The following RNF43 variants were observed in gnomAD, a reference collection of about 807,000 sequenced individuals.
RNF43 encodes the protein ring finger protein 43.
Under a neutral mutation model 78.4 loss-of-function variants are expected in RNF43, and 37 were observed. That is an observed-to-expected ratio of 0.47 (90% confidence interval 0.36 to 0.62). RNF43 has a LOEUF of 0.62. Among genes scored for constraint, RNF43 ranks in the 20% least tolerant of loss-of-function variants. The pLI, the probability that RNF43 is intolerant of heterozygous loss-of-function variation, is 0.00. For missense variants in RNF43, 774 were observed against 1,007.9 expected, an observed-to-expected ratio of 0.77 and a Z score of 3.14; for synonymous variants, 347 against 395.0, an observed-to-expected ratio of 0.88 and a Z score of 1.44.
intron 2 of RNF43, among the ~76,000 whole-genome samples, chr17:58,404,106 C>A (rs1170517854): frequency 6.6e-6 from 1 of 152,162 alleles, no homozygotes; most frequent in Admixed American, 6.5e-5. Flanking sequence ...AAAGACAGTA[C>A]AGGACCAGAA....
At chr17:58,363,060 T>C in intron 5 of RNF43, 1 of 601,038 alleles carries the variant, frequency 1.7e-6, no homozygotes, top group Non-Finnish European at 2.9e-6. Flanking sequence ...TGTAAAGAAC[T>C]TTAGAACTCA....
At chr17:58,384,387 T>C (rs989465993) in intron 2 of RNF43, among the ~76,000 whole-genome samples, 1 of 152,232 alleles carries the variant, frequency 6.6e-6, no homozygotes, top group African/African-American at 2.4e-5. Context: ...TGAGGATCAA[T>C]AGCAGCACTT....
Position 58,360,173 on chromosome 17 carries a change from G to A in RNF43, c.928C>T (p.Pro310Ser), listed in dbSNP as rs1972801645. The stretch of plus-strand genomic sequence containing the variant: ...CCTGTGATGTTGAACATGCAGAGGG[G>A]GCAAGTCCGATGCTGATGTAACCAG... The part of the protein sequence containing the change: ...DPWLHQHRTC[P>S]LCMFNITEGD... Residue 310 changes from proline (P) to serine (S), a missense_variant, in exon 8 of 10, where the codon CCC becomes TCC. Physicochemically the swap from Pro to Ser is moderately conservative, Grantham distance 74 (BLOSUM62 -1). Transcript: ENST00000407977. This position sits in a 1 kb window ranked among gnomAD's most constrained non-coding sequence, Gnocchi z 4.3. The A allele has an allele frequency of 6.2e-7, 1 of 1,613,880 alleles. No individual in the cohort carries two copies. The highest frequency in any genetic ancestry group is 8.5e-7 in the Non-Finnish European group (1 of 1,179,862).
chr17:58,379,636 T>A (rs761435366), intron 2 of RNF43, among the ~76,000 whole-genome samples: 1 of 152,166 alleles, frequency 6.6e-6, no homozygotes, highest in African/African-American at 2.4e-5. Context: ...ACGGCCCCCA[T>A]GGTGGGGTTC....
chr17:58,383,601 C>G (rs1270143850), intron 2 of RNF43, among the ~76,000 whole-genome samples: 2 of 152,184 alleles, frequency 1.3e-5, no homozygotes, highest in Non-Finnish European at 2.9e-5. Flanking sequence ...CTGCACCCAG[C>G]TGAAGCCCAA....
At chr17:58,407,355 C>T (rs1023286704) in intron 2 of RNF43, among the ~76,000 whole-genome samples, 45 of 152,226 alleles carry the variant, frequency 3.0e-4, no homozygotes, top group African/African-American at 1.1e-3. Flanking sequence ...GCTGGGATTA[C>T]AGGCGTGAGC....
intron 2 of RNF43, 60 bp downstream of exon 2, chr17:58,415,266 A>C: frequency 4.4e-6 from 7 of 1,578,546 alleles, no homozygotes; most frequent in Non-Finnish European, 6.1e-6. Context: ...TTTGGGAGAC[A>C]AAAGAAGAAA....
At chr17:58,386,974 G>A (rs1973452979) in intron 2 of RNF43, among the ~76,000 whole-genome samples, 1 of 152,106 alleles carries the variant, frequency 6.6e-6, no homozygotes, top group Non-Finnish European at 1.5e-5. Flanking sequence ...TTACTAAATT[G>A]AGGGCAGGGG....
intron 3 of RNF43, among the ~76,000 whole-genome samples, chr17:58,369,051 C>A (rs567657316): frequency 4.7e-4 from 72 of 152,026 alleles, no homozygotes; most frequent in African/African-American, 1.7e-3. Context: ...ATCCTTCTTC[C>A]CCATCTCTCT....
At chr17:58,355,764 A>G (rs1972673189) in intron 9 of RNF43, among the ~76,000 whole-genome samples, 1 of 152,154 alleles carries the variant, frequency 6.6e-6, no homozygotes, top group Non-Finnish European at 1.5e-5. Flanking sequence ...AGGGTAGGTG[A>G]GCAGTGGAGC....
chr17:58,375,823 TC>T (rs1973194000), intron 2 of RNF43, among the ~76,000 whole-genome samples: 1 of 152,244 alleles, frequency 6.6e-6, no homozygotes, highest in African/African-American at 2.4e-5. Flanking sequence ...CCATGTCTTT[TC>T]CCTCCTTCCC....
At chr17:58,395,832 G>C (rs1036267795) in intron 2 of RNF43, among the ~76,000 whole-genome samples, 1 of 152,118 alleles carries the variant, frequency 6.6e-6, no homozygotes, top group African/African-American at 2.4e-5. Flanking sequence ...ATTAAGGATA[G>C]AGAAAAATCA....
At chr17:58,370,873 G>A (rs765648527) in intron 3 of RNF43, 38 bp downstream of exon 3, 1 of 1,525,058 alleles carries the variant, frequency 6.6e-7, no homozygotes, top group Non-Finnish European at 8.9e-7. Context: ...AGAGCTGGGT[G>A]AAGCTCCGGG....
At chr17:58,387,609 A>G (rs1973464749) in intron 2 of RNF43, among the ~76,000 whole-genome samples, 1 of 151,992 alleles carries the variant, frequency 6.6e-6, no homozygotes, top group Non-Finnish European at 1.5e-5. Flanking sequence ...GCAGTGAGCC[A>G]AGACTGTGCC....
At chr17:58,364,626 C>T (rs1289089535) in intron 3 of RNF43, among the ~76,000 whole-genome samples, 4 of 152,168 alleles carry the variant, frequency 2.6e-5, no homozygotes, top group Non-Finnish European at 4.4e-5. Flanking sequence ...CAGCCTTCCT[C>T]CCTAGGGCAA....
chr17:58,356,168 C>G (rs1165451534), intron 9 of RNF43, among the ~76,000 whole-genome samples: 5 of 152,148 alleles, frequency 3.3e-5, no homozygotes, highest in Non-Finnish European at 7.3e-5. Flanking sequence ...TTGGCAAGTT[C>G]CATGTCTTCA....
chr17:58,370,786 A>G, intron 3 of RNF43, 125 bp downstream of exon 3: 2 of 1,108,862 alleles, frequency 1.8e-6, no homozygotes, highest in Non-Finnish European at 2.4e-6. Context: ...GTCATGGGTT[A>G]GGGAAACCCA....
At chr17:58,353,417 G>A, downstream of RNF43, 1 of 198,822 alleles carries the variant, frequency 5.0e-6, no homozygotes. Flanking sequence ...AATGTGTGAA[G>A]TGAACAGTAT....
intron 2 of RNF43, among the ~76,000 whole-genome samples, chr17:58,394,207 A>C (rs949116214): frequency 6.6e-6 from 1 of 152,230 alleles, no homozygotes; most frequent in Non-Finnish European, 1.5e-5. Context: ...CTTGGTTGCA[A>C]TGAAATGAAA....
Sources: allele counts gnomAD v4.1 joint callset (sites outside exome capture counted in the v4.1 genomes callset), GRCh38; gene constraint gnomAD v4.1.1; non-coding constraint Gnocchi (gnomAD v3.1); transcripts MANE v1.5; gene names NCBI Gene and HGNC (gene_info 2026-07-23, HGNC 2026-07-21).